Variants in PTPRD observed in about 807,000 individuals in gnomAD.
PTPRD encodes protein tyrosine phosphatase receptor type D, also known as receptor-type tyrosine-protein phosphatase delta.
PTPRD carries 34 observed loss-of-function variants against 214.5 expected under a neutral mutation model. The observed-to-expected ratio is 0.16, with a 90% confidence interval of 0.12 to 0.21. PTPRD has a LOEUF of 0.21. PTPRD is among the 10% of genes least tolerant of loss of function. The pLI, the probability that PTPRD is intolerant of heterozygous loss-of-function variation, is 1.00. For missense variants in PTPRD, 2,545 were observed against 2,398.7 expected (o/e 1.06, Z -1.27); for synonymous variants, 1,128 against 845.7 (o/e 1.33, Z -5.79).
chr9:8,915,645 A>G (rs1257022623), intron 11 of PTPRD, among the ~76,000 whole-genome samples: 4 of 152,246 alleles, frequency 2.6e-5, no homozygotes. Flanking sequence ...GAATGTCAGC[A>G]GGATTGAGAC....
chr9:8,527,260 G>C, intron 16 of PTPRD, 85 bp downstream of exon 16: 1 of 1,412,020 alleles, frequency 7.1e-7, no homozygotes, highest in Non-Finnish European at 9.8e-7. Context: ...TAAAATGCAT[G>C]CCATGCATTT....
chr9:10,163,657 T>C (rs1284681061), intron 3 of PTPRD, among the ~76,000 whole-genome samples: 10 of 151,510 alleles, frequency 6.6e-5, no homozygotes, highest in Admixed American at 4.6e-4. Flanking sequence ...GTAGGCAAGT[T>C]AGAACAACAA....
chr9:9,496,388 A>G (rs895067919), intron 8 of PTPRD, among the ~76,000 whole-genome samples: 4 of 152,066 alleles, frequency 2.6e-5, no homozygotes, highest in African/African-American at 9.7e-5. Flanking sequence ...CAACAACAAA[A>G]CCCAAGTCAA....
intron 9 of PTPRD, among the ~76,000 whole-genome samples, chr9:9,264,125 G>A (rs1937783785): frequency 6.6e-6 from 1 of 151,576 alleles, no homozygotes; most frequent in Admixed American, 6.6e-5. Context: ...AGGATTTAAT[G>A]CAAAAACTTC....
intron 7 of PTPRD, among the ~76,000 whole-genome samples, chr9:9,674,133 T>C (rs895731051): frequency 6.6e-6 from 1 of 151,800 alleles, no homozygotes; most frequent in Admixed American, 6.6e-5. Context: ...AAATAGTATA[T>C]TTGATTTGGG....
chr9:10,141,145 A>T (rs917477752), intron 3 of PTPRD, among the ~76,000 whole-genome samples: 47 of 152,278 alleles, frequency 3.1e-4, no homozygotes, highest in African/African-American at 1.1e-3. Flanking sequence ...CCAATATCAT[A>T]CTGAATGGGC....
intron 11 of PTPRD, among the ~76,000 whole-genome samples, chr9:8,997,520 T>C (rs10977431): frequency 0.041 from 6,194 of 152,160 alleles, 190 homozygotes; most frequent in South Asian, 0.096. Flanking sequence ...AACTGACAAA[T>C]GTGAGTGTGC....
chr9:10,284,686 G>A lies in PTPRD; in HGVS notation c.-545+56277C>T, dbSNP rs551595804. Among the ~76,000 whole-genome samples the A allele has an allele frequency of 2.6e-5, 4 of 152,228 alleles. No homozygotes were observed. The South Asian group carries it at 8.3e-4, about 32-fold the overall frequency. ...GTTGGCTAGGCTTAGTCTCTTATGA[G>A]GCTCAGGGTCTTCCAAGCTCATTTG... On this transcript the variant is annotated intron_variant, in intron 3 of 45. Coordinates refer to ENST00000381196, the MANE Select transcript of PTPRD (RefSeq NM_002839.4).
chr9:10,175,966 A>G (rs2099246112), intron 3 of PTPRD, among the ~76,000 whole-genome samples: 1 of 152,026 alleles, frequency 6.6e-6, no homozygotes, highest in South Asian at 2.1e-4. Flanking sequence ...TGCAAAGTAG[A>G]GTAACAATAG....
intron 21 of PTPRD, among the ~76,000 whole-genome samples, chr9:8,513,140 C>G (rs1021992823): frequency 3.9e-5 from 6 of 152,026 alleles, no homozygotes; most frequent in Admixed American, 3.3e-4. Context: ...CTATGGAGAA[C>G]TGAGAAGATT....
intron 8 of PTPRD, among the ~76,000 whole-genome samples, chr9:9,411,765 A>G (rs1005545020): frequency 1.3e-5 from 2 of 152,250 alleles, no homozygotes; most frequent in Non-Finnish European, 2.9e-5. Context: ...TAACCAAAGA[A>G]TTCACAACAC....
At chr9:9,209,149 T>C (rs1056485612) in intron 9 of PTPRD, among the ~76,000 whole-genome samples, 12 of 152,094 alleles carry the variant, frequency 7.9e-5, no homozygotes, top group African/African-American at 2.7e-4. Context: ...ACCAATGATG[T>C]AGTTTCAAGG....
chr9:10,185,514 C>T (rs989027885), intron 3 of PTPRD, among the ~76,000 whole-genome samples: 19 of 152,134 alleles, frequency 1.2e-4, no homozygotes, highest in African/African-American at 4.1e-4. Context: ...CTCAGTTAAT[C>T]CTCACATAAT....
intron 2 of PTPRD, among the ~76,000 whole-genome samples, chr9:10,598,215 T>C (rs1281030312): frequency 6.6e-6 from 1 of 151,846 alleles, no homozygotes; most frequent in Non-Finnish European, 1.5e-5. Context: ...CCTTAGATAT[T>C]ACTCCGAACT....
chr9:8,519,144 T>C (rs1036935014), intron 20 of PTPRD, among the ~76,000 whole-genome samples: 4 of 152,216 alleles, frequency 2.6e-5, no homozygotes, highest in Admixed American at 6.5e-5. Flanking sequence ...TTATTCTTAA[T>C]ATTTAAAAAT....
chr9:9,449,257 G>A (rs927030342), intron 8 of PTPRD, among the ~76,000 whole-genome samples: 2 of 152,002 alleles, frequency 1.3e-5, no homozygotes, highest in African/African-American at 4.8e-5. Flanking sequence ...ATTTTGAGTT[G>A]TGCTGATGTG....
intron 14 of PTPRD, among the ~76,000 whole-genome samples, chr9:8,530,724 A>G (rs2075469618): frequency 6.6e-6 from 1 of 152,114 alleles, no homozygotes; most frequent in Non-Finnish European, 1.5e-5. Context: ...TAGAGAGGCA[A>G]CCAGTTAAAT....
intron 10 of PTPRD, among the ~76,000 whole-genome samples, chr9:9,072,475 G>T (rs926633321): frequency 6.6e-6 from 1 of 152,166 alleles, no homozygotes. Flanking sequence ...CTGCTACTTC[G>T]TTCAGGCTGC....
chr9:9,114,275 A>G (rs535534268), intron 10 of PTPRD, among the ~76,000 whole-genome samples: 1 of 152,290 alleles, frequency 6.6e-6, no homozygotes, highest in South Asian at 2.1e-4. Flanking sequence ...AAACGAGGGC[A>G]CTTATGTCTG....
Sources: gnomAD v4.1 joint callset for allele counts (sites outside exome capture counted in the v4.1 genomes callset) on GRCh38, gnomAD v4.1.1 for gene constraint, MANE v1.5 for transcripts, NCBI Gene and HGNC (gene_info 2026-07-23, HGNC 2026-07-21) for gene names.